Variants in PTPN20 observed in about 807,000 individuals in gnomAD.
PTPN20 encodes the protein protein tyrosine phosphatase non-receptor type 20.
In PTPN20, 9 loss-of-function variants were observed where a neutral mutation model predicts 35.0. That is an observed-to-expected ratio of 0.26 (90% CI 0.15 to 0.45). The LOEUF is 0.45. Ranked by LOEUF, PTPN20 falls within the 20% of genes least tolerant of loss-of-function variation. PTPN20 has a pLI of 1.00. For missense variants in PTPN20, 111 were observed against 312.5 expected (o/e 0.36, Z 4.86); for synonymous variants, 32 against 100.2 (o/e 0.32, Z 4.06).
Position 47,002,320 on chromosome 10 carries a change from G to A in PTPN20, c.*1579G>A, listed in dbSNP as rs2060111458. The A allele has an allele frequency of 6.6e-6, 1 of 152,036 alleles. No homozygotes were observed. The highest frequency in any genetic ancestry group is 6.6e-5 in the Admixed American group (1 of 15,246). The allele number at this position is 152,036 out of a possible 1,614,324, so 9.4% of individuals were successfully genotyped here. A position where few individuals can be genotyped will look rare whatever the true frequency, so the allele number is the denominator to read the frequency against. ...ATTATTAAAATAAAATATTTACTGTGTATTGCCTGAAGTATTTTTATTTAT... is the reference window on the plus strand; with the variant it reads ...ATTATTAAAATAAAATATTTACTGTATATTGCCTGAAGTATTTTTATTTAT... On this transcript the variant is annotated 3_prime_UTR_variant, in exon 11 of 11. Transcript: ENST00000374339.
chr10:46,953,874 T>C (rs1426952815), intron 5 of PTPN20, among the ~76,000 whole-genome samples: 1 of 141,038 alleles, frequency 7.1e-6, no homozygotes, highest in Non-Finnish European at 1.5e-5. Flanking sequence ...GTAATTTTCT[T>C]TTTTTGTGAT....
intron 2 of PTPN20, among the ~76,000 whole-genome samples, chr10:46,937,950 CT>C (rs1266304586): frequency 0.27 from 33,727 of 126,246 alleles, 3,077 homozygotes; most frequent in East Asian, 0.39. Context: ...TTTTTCTTTT[CT>C]TTTTTTTTTT....
At chr10:46,992,121 ATTTT>A (rs1180103188) in intron 9 of PTPN20, among the ~76,000 whole-genome samples, 1 of 130,682 alleles carries the variant, frequency 7.7e-6, no homozygotes. Context: ...TTCATTTTCA[ATTTT>A]TTTTTTTTTT....
intron 1 of PTPN20, among the ~76,000 whole-genome samples, chr10:46,922,597 AAGG>A (rs1241784126): frequency 2.5e-5 from 3 of 121,546 alleles, no homozygotes; most frequent in Non-Finnish European, 4.9e-5. Context: ...TTGTTAAGCA[AAGG>A]AACCAGCACT....
Position 46,999,899 on chromosome 10 carries a change from C to T in PTPN20, c.1135-13C>T, listed in dbSNP as rs782446602. 8.1e-6 allele frequency: 13 copies of T among 1,613,378 alleles called. No individual in the cohort carries two copies. In the South Asian group the frequency reaches 1.3e-4, roughly 16 times the overall value. On this transcript the variant is annotated splice_polypyrimidine_tract_variant and intron_variant, in intron 9 of 10. Transcript: ENST00000374339. ...CATGTGGATCATACAAAATTACTGT[C>T]ATCTTATTACAGTTCAACATCATGG...
At chr10:46,982,879 A>T (rs1404367663) in intron 7 of PTPN20, among the ~76,000 whole-genome samples, 1 of 152,146 alleles carries the variant, frequency 6.6e-6, no homozygotes, top group Non-Finnish European at 1.5e-5. Context: ...TTAGTAATAT[A>T]ACATATTTGT....
chr10:46,911,639 C>T (rs1442581665), intron 1 of PTPN20, 138 bp downstream of exon 1: 2 of 144,968 alleles, frequency 1.4e-5, no homozygotes, highest in African/African-American at 8.6e-5. Context: ...TGGCCCTGGC[C>T]CGGGAGACTG....
intron 10 of PTPN20, 89 bp from the exon 11 acceptor site, chr10:47,000,587 T>C: frequency 6.7e-7 from 1 of 1,503,592 alleles, no homozygotes; most frequent in Non-Finnish European, 9.2e-7. Context: ...CTTTCCAGTG[T>C]GGCTGAAAAT....
chr10:46,921,689 A>G (rs1447001489), intron 1 of PTPN20, among the ~76,000 whole-genome samples: 1 of 110,762 alleles, frequency 9.0e-6, no homozygotes, highest in Non-Finnish European at 1.8e-5. Flanking sequence ...CTAACCCCAG[A>G]TACCTGTGAG....
At chr10:46,929,375 G>A (rs1169528099) in intron 1 of PTPN20, among the ~76,000 whole-genome samples, 2 of 148,522 alleles carry the variant, frequency 1.3e-5, no homozygotes, top group African/African-American at 2.6e-5. Flanking sequence ...CTATACTATT[G>A]CACCTTCCCC....
In PTPN20 at chr10:47,002,129, A is replaced by T. The variant is rs1490295263; in HGVS notation, c.*1388A>T. 6.6e-6 allele frequency: 1 copy of T among 152,246 alleles called. No homozygotes were observed. The highest frequency in any genetic ancestry group is 1.5e-5 in the Non-Finnish European group (1 of 67,966). The allele number at this position is 152,246 out of a possible 1,614,324, so 9.4% of individuals were successfully genotyped here. A position where few individuals can be genotyped will look rare whatever the true frequency, so the allele number is the denominator to read the frequency against. The stretch of plus-strand genomic sequence containing the variant: ...ATGCCAAAAATATATTTGATGTTAA[A>T]TCAAATAGATGATTCTGTTTACATT... On this transcript the variant is annotated 3_prime_UTR_variant, in exon 11 of 11. Coordinates refer to ENST00000374339, the MANE Select transcript of PTPN20 (RefSeq NM_001042357.5).
intron 9 of PTPN20, among the ~76,000 whole-genome samples, chr10:46,997,389 G>A (rs1297298902): frequency 6.7e-6 from 1 of 149,232 alleles, no homozygotes; most frequent in Non-Finnish European, 1.5e-5. Context: ...AGATTCTTTA[G>A]TGTGTTCTAC....
In PTPN20 at chr10:46,980,045, G is replaced by C. The variant is rs1215292176; in HGVS notation, c.584-4185G>C. 2.9e-4 allele frequency among the ~76,000 whole-genome samples: 44 copies of C among 150,244 alleles called. 1 individual carries two copies. Among genetic ancestry groups the C allele is most frequent in the Non-Finnish European group, 4.8e-4 (32 of 67,368 alleles). On this transcript the variant is annotated intron_variant, in intron 7 of 10. Transcript: ENST00000374339. ...GCAAATGCTTTAGTCTTATTTGTCT[G>C]TCAGAGGGTAGGAGATATATCCAAC... is the stretch of plus-strand genomic sequence containing the variant.
chr10:46,935,804 T>A (rs1218812129), intron 2 of PTPN20, among the ~76,000 whole-genome samples: 20 of 152,234 alleles, frequency 1.3e-4, no homozygotes, highest in South Asian at 8.3e-4. Context: ...ACAATTTATA[T>A]CCCTTCATAT....
chr10:46,979,942 C>T (rs1274999428), intron 7 of PTPN20, among the ~76,000 whole-genome samples: 3 of 150,922 alleles, frequency 2.0e-5, no homozygotes, highest in African/African-American at 7.3e-5. Context: ...TCTCAATCAC[C>T]TTTCCCTTCC....
At chr10:46,941,762 A>T (rs1438808882) in intron 3 of PTPN20, among the ~76,000 whole-genome samples, 5 of 147,366 alleles carry the variant, frequency 3.4e-5, no homozygotes, top group Admixed American at 2.0e-4. Context: ...GTGAATTCTG[A>T]TATGCTTTAA....
rs1236796211 is a variant in PTPN20, at chr10:46,984,324, C to A, written c.678C>A (p.Ile226=). The A allele has an allele frequency of 9.9e-6, 16 of 1,611,920 alleles. No homozygotes were observed. The African/African-American group carries it at 1.7e-4, about 17-fold the overall frequency. The change falls in exon 8 of 11, where the codon ATC becomes ATA. Residue 226 remains isoleucine (I), a synonymous_variant. Transcript: ENST00000374339. ...ATTGTGGAGAAGAGTATTTTTATAT[C>A]GCTACTCAAGGACCACTGCTGAGCA... The part of the protein sequence containing the change: ...IVNCGEEYFY[I]ATQGPLLSTI...
intron 7 of PTPN20, among the ~76,000 whole-genome samples, chr10:46,976,185 T>C (rs2136155380): frequency 8.0e-6 from 1 of 124,950 alleles, no homozygotes; most frequent in Non-Finnish European, 1.7e-5. Context: ...TCTCAAACTC[T>C]TGGCTTCAAG....
chr10:46,949,541 A>G (rs1163144198), intron 5 of PTPN20, among the ~76,000 whole-genome samples: 1 of 151,734 alleles, frequency 6.6e-6, no homozygotes, highest in Non-Finnish European at 1.5e-5. Context: ...GGTTCAATAA[A>G]ATTTTGATTT....
Sources: allele counts gnomAD v4.1 joint callset (sites outside exome capture counted in the v4.1 genomes callset), GRCh38; gene constraint gnomAD v4.1.1; transcripts MANE v1.5; gene names NCBI Gene and HGNC (gene_info 2026-07-23, HGNC 2026-07-21).